OTUD7A: variants seen among roughly 807,000 people sequenced by gnomAD.
The protein encoded by OTUD7A is OTU deubiquitinase 7A.
A neutral mutation model predicts 65.7 loss-of-function variants in OTUD7A; 12 were observed. That is an observed-to-expected ratio of 0.18 (90% confidence interval 0.12 to 0.30). The LOEUF (loss-of-function observed/expected upper bound fraction) is 0.30, where lower values mean the gene tolerates loss of function less well. Ranked by LOEUF, OTUD7A falls within the 10% of genes least tolerant of loss-of-function variation. The pLI is 1.00. For synonymous variants in OTUD7A, 641 were observed against 586.3 expected (o/e 1.09, Z -1.35); for missense variants, 1,148 against 1,304.8 (o/e 0.88, Z 1.85).
intron 9 of OTUD7A, among the ~76,000 whole-genome samples, 181 bp from the exon 10 acceptor site, chr15:31,502,020 C>T (rs554768974): frequency 5.6e-4 from 85 of 152,242 alleles, no homozygotes; most frequent in African/African-American, 2.0e-3. Context: ...CATCTGTCTG[C>T]CCCAGGACTC....
At chr15:31,594,819 G>C (rs1340348875) in intron 3 of OTUD7A, among the ~76,000 whole-genome samples, 2 of 152,162 alleles carry the variant, frequency 1.3e-5, no homozygotes, top group Non-Finnish European at 2.9e-5. Flanking sequence ...GACAGGGATG[G>C]GTGCAGGTGC....
chr15:31,677,224 A>G (rs993265432), intron 1 of OTUD7A, among the ~76,000 whole-genome samples: 1 of 152,168 alleles, frequency 6.6e-6, no homozygotes, highest in African/African-American at 2.4e-5. Context: ...GGGATAGTAG[A>G]GCTGCTGGAT....
At chr15:31,574,420 A>G (rs1889144813) in intron 3 of OTUD7A, among the ~76,000 whole-genome samples, 1 of 152,228 alleles carries the variant, frequency 6.6e-6, no homozygotes, top group Admixed American at 6.5e-5. Flanking sequence ...AGAAAGATGA[A>G]TCATTTGCTG....
At chr15:31,598,821 G>C (rs1889987320) in intron 3 of OTUD7A, among the ~76,000 whole-genome samples, 1 of 152,190 alleles carries the variant, frequency 6.6e-6, no homozygotes, top group South Asian at 2.1e-4. Flanking sequence ...CTTGGTAGGG[G>C]GAGGGGCGTC....
intron 3 of OTUD7A, among the ~76,000 whole-genome samples, chr15:31,626,289 A>T (rs1186888743): frequency 6.6e-6 from 1 of 152,228 alleles, no homozygotes; most frequent in African/African-American, 2.4e-5. Context: ...ACCTTGAAAT[A>T]TACAAAAAAT....
intron 1 of OTUD7A, among the ~76,000 whole-genome samples, chr15:31,719,554 C>T (rs1458184113): frequency 6.6e-6 from 1 of 152,164 alleles, no homozygotes; most frequent in African/African-American, 2.4e-5. Flanking sequence ...CTCCTCTTGG[C>T]ACTGTTCCTC....
intron 1 of OTUD7A, among the ~76,000 whole-genome samples, chr15:31,807,334 G>A (rs1311175929): frequency 1.3e-5 from 2 of 152,166 alleles, no homozygotes; most frequent in Admixed American, 6.5e-5. Context: ...GGACATGCAT[G>A]TGTTTCACAC....
chr15:31,543,901 G>A (rs1342783034), intron 5 of OTUD7A, among the ~76,000 whole-genome samples: 1 of 151,618 alleles, frequency 6.6e-6, no homozygotes, highest in Non-Finnish European at 1.5e-5. Context: ...ATGACCAAAT[G>A]GACAAATACA....
At chr15:31,796,966 C>T (rs181140456) in intron 1 of OTUD7A, among the ~76,000 whole-genome samples, 92 of 152,312 alleles carry the variant, frequency 6.0e-4, no homozygotes, top group Non-Finnish European at 1.2e-3. Flanking sequence ...ACTCCTGACC[C>T]CAGGTGATTC....
rs569799584 is a variant in OTUD7A, at chr15:31,623,094, C to T, written c.151+32002G>A. On this transcript the variant is annotated intron_variant, in intron 3 of 12. Coordinates refer to ENST00000307050, the MANE Select transcript of OTUD7A (RefSeq NM_001382637.1). ...CAGAACAGCGAATATTGCTGAACAG[C>T]GAATGTTGCTGCCTGATCTTTCCTC... 1.1e-4 allele frequency among the ~76,000 whole-genome samples: 16 copies of T among 152,314 alleles called. 1 individual carries two copies. The East Asian group carries it at 3.1e-3, about 29-fold the overall frequency.
intron 10 of OTUD7A, among the ~76,000 whole-genome samples, chr15:31,500,008 T>C (rs2041443680): frequency 6.6e-6 from 1 of 152,312 alleles, no homozygotes; most frequent in Non-Finnish European, 1.5e-5. Flanking sequence ...GAGTACTCGG[T>C]GCCTTTTGCG....
rs1192707851 is a variant in OTUD7A, at chr15:31,475,801, T to C, written c.*7493A>G. ...AAGTAATGTGATTGACGACCTACTT[T>C]TGCCTCAGTGTTTTCCTTTGTCCAC... is the stretch of plus-strand genomic sequence containing the variant. On this transcript the variant is annotated 3_prime_UTR_variant, in exon 13 of 13. Transcript: ENST00000307050. The C allele has an allele frequency of 2.0e-5, 3 of 152,214 alleles. No individual in the cohort carries two copies. The highest frequency in any genetic ancestry group is 1.9e-4 in the East Asian group (1 of 5,200). The allele number at this position is 152,214 out of a possible 1,614,324, so 9.4% of individuals were successfully genotyped here. A position where few individuals can be genotyped will look rare whatever the true frequency, so the allele number is the denominator to read the frequency against.
intron 1 of OTUD7A, among the ~76,000 whole-genome samples, chr15:31,780,407 AG>A (rs2140925058): frequency 6.6e-6 from 1 of 152,354 alleles, no homozygotes; most frequent in Admixed American, 6.5e-5. Flanking sequence ...AAATAAAAAA[AG>A]TATAAAAAAC....
chr15:31,773,676 A>G (rs1293966846), intron 1 of OTUD7A, among the ~76,000 whole-genome samples: 1 of 152,194 alleles, frequency 6.6e-6, no homozygotes, highest in Non-Finnish European at 1.5e-5. Context: ...AATTTAGGGG[A>G]CTTTGTTAAT....
chr15:31,753,700 T>A lies in OTUD7A; in HGVS notation c.-99-96623A>T, dbSNP rs1390098729. ...ATAACCTGTGAGATATATATATATA[T>A]ATTATATATATATATATATATTATA... On this transcript the variant is annotated intron_variant, in intron 1 of 12. Transcript: ENST00000307050. 1.2e-4 allele frequency among the ~76,000 whole-genome samples: 2 copies of A among 17,386 alleles called. 1 individual carries two copies. Among genetic ancestry groups the A allele is most frequent in the African/African-American group, 2.6e-4 (2 of 7,548 alleles). 11.4% of individuals were successfully genotyped at this position (17,386 alleles called of 152,430 possible). A position where few individuals can be genotyped will look rare whatever the true frequency, so the allele number is the denominator to read the frequency against.
chr15:31,656,956 G>A (rs1216211805), intron 2 of OTUD7A, 27 bp downstream of exon 2: 2 of 152,610 alleles, frequency 1.3e-5, no homozygotes, highest in African/African-American at 2.4e-5. Flanking sequence ...TAGTTGATGC[G>A]GCCAGAAAAG....
chr15:31,517,141 G>C (rs1242606261), intron 8 of OTUD7A, among the ~76,000 whole-genome samples: 1 of 152,206 alleles, frequency 6.6e-6, no homozygotes, highest in South Asian at 2.1e-4. Context: ...CAGGCATTAG[G>C]ACACCTGCCA....
chr15:31,610,592 AT>A lies in OTUD7A; in HGVS notation c.152-40396del, dbSNP rs200768558. Reference sequence around the variant, plus strand: ...CCTCAATAAATTTAAGAAAAATGAAATTATATATATATATATATATATATAT... The same window carrying A: ...CCTCAATAAATTTAAGAAAAATGAAATATATATATATATATATATATATAT... On this transcript the variant is annotated intron_variant, in intron 3 of 12. Transcript: ENST00000307050. 6.6e-3 allele frequency among the ~76,000 whole-genome samples: 679 copies of A among 102,298 alleles called. 4 individuals carry two copies. The highest frequency in any genetic ancestry group is 0.01 in the Non-Finnish European group (536 of 52,702). 67.1% of individuals were successfully genotyped at this position (102,298 alleles called of 152,430 possible).
At chr15:31,583,191 T>C (rs1055835722) in intron 3 of OTUD7A, among the ~76,000 whole-genome samples, 1 of 152,172 alleles carries the variant, frequency 6.6e-6, no homozygotes, top group African/African-American at 2.4e-5. Context: ...GAGAGAAGCT[T>C]GCAGGACTTT....
Sources: allele counts gnomAD v4.1 joint callset (sites outside exome capture counted in the v4.1 genomes callset), GRCh38; gene constraint gnomAD v4.1.1; transcripts MANE v1.5; gene names NCBI Gene and HGNC (gene_info 2026-07-23, HGNC 2026-07-21).